Variants in EML6 observed in about 807,000 individuals in gnomAD.
EML6 encodes the protein echinoderm microtubule-associated protein-like 6.
EML6 carries 154 observed loss-of-function variants against 240.1 expected under a neutral mutation model. The observed-to-expected ratio is 0.64, with a 90% CI of 0.56 to 0.73. EML6 has a LOEUF of 0.73. Among genes scored for constraint, EML6 ranks in the 30% least tolerant of loss-of-function variants. The probability of loss-of-function intolerance (pLI) is 0.00; values close to 1 mark genes in which losing one functional copy is unlikely to be tolerated. For missense variants in EML6, 2,964 were observed against 2,474.6 expected (o/e 1.20, Z -4.20); for synonymous variants, 1,148 against 899.0 (o/e 1.28, Z -4.95).
intron 14 of EML6, chr2:54,867,432 C>G (rs1489227694): frequency 2.6e-5 from 4 of 152,306 alleles, no homozygotes; most frequent in East Asian, 3.9e-4. Flanking sequence ...GCAAAGGAAC[C>G]TAAATGCCAT....
At chr2:54,929,327 A>G (rs1674730951) in intron 28 of EML6, among the ~76,000 whole-genome samples, 1 of 152,182 alleles carries the variant, frequency 6.6e-6, no homozygotes, top group Non-Finnish European at 1.5e-5. Context: ...GTTTTCTAGT[A>G]TTATTTTGGG....
chr2:54,921,407 C>A (rs149342234), intron 26 of EML6, among the ~76,000 whole-genome samples: 173 of 152,176 alleles, frequency 1.1e-3, no homozygotes, highest in African/African-American at 4.0e-3. Context: ...CTGTAAGACA[C>A]TCATGAAATA....
intron 2 of EML6, among the ~76,000 whole-genome samples, chr2:54,768,889 C>T (rs978526779): frequency 2.6e-5 from 4 of 151,960 alleles, no homozygotes; most frequent in Admixed American, 2.0e-4. Context: ...CATTGTAAAT[C>T]CCAATCTATG....
At chr2:54,778,651 G>A (rs1285023915) in intron 2 of EML6, among the ~76,000 whole-genome samples, 1 of 152,114 alleles carries the variant, frequency 6.6e-6, no homozygotes, top group Non-Finnish European at 1.5e-5. Context: ...CACTTTGGGA[G>A]GCCGAGACGG....
chr2:54,829,437 A>T lies in EML6; in HGVS notation c.807A>T (p.Ile269=). The T allele has an allele frequency of 6.4e-7, 1 of 1,551,960 alleles. No individual in the cohort carries two copies. Among genetic ancestry groups the T allele is most frequent in the Non-Finnish European group, 8.7e-7 (1 of 1,146,864 alleles). ...IRLWDTDFKP[I]TKIDLRETEQ... ...TGTGGGACACTGATTTCAAACCAAT[A>T]ACCAAAATTGATCTCAGGGAGACAG... is the stretch of plus-strand genomic sequence containing the variant. Residue 269 remains isoleucine, a synonymous_variant, in exon 7 of 42, where the codon ATA becomes ATT. Coordinates refer to ENST00000356458, the MANE Select transcript of EML6 (RefSeq NM_001039753.4).
At position 54,962,724 on chromosome 2, in the gene EML6, C is replaced by G; in HGVS notation, c.5157+13C>G. On this transcript the variant is annotated intron_variant, in intron 36 of 41. Transcript: ENST00000356458. Reference sequence around the variant, plus strand: ...CCTGGCTGACAAGGTGAGGCCGACTCTGCCCAAACTCAGATGCCCACGAGT... The same window carrying G: ...CCTGGCTGACAAGGTGAGGCCGACTGTGCCCAAACTCAGATGCCCACGAGT... 1 of 1,459,712 alleles carries G rather than the reference C, an allele frequency of 6.9e-7. No homozygotes were observed. The highest frequency in any genetic ancestry group is 9.1e-7 in the Non-Finnish European group (1 of 1,102,304). 90.4% of individuals were successfully genotyped at this position (1,459,712 alleles called of 1,614,324 possible).
Position 54,816,846 on chromosome 2 carries a change from G to A in EML6, c.417G>A (p.Lys139=), listed in dbSNP as rs763718947. 1 of 1,551,442 alleles carries A rather than the reference G, an allele frequency of 6.4e-7. No homozygotes were observed. Among genetic ancestry groups the A allele is most frequent in the Non-Finnish European group, 8.7e-7 (1 of 1,146,878 alleles). ...KNTVCIWDWR[K]GKLLASATGH... ...CAGTCTGCATTTGGGACTGGAGGAA[G>A]GGAAAACTTCTGGCGTCAGCCACCG... The change falls in exon 4 of 42, where the codon AAG becomes AAA. Residue 139 remains lysine (K), a synonymous_variant. Coordinates refer to ENST00000356458, the MANE Select transcript of EML6 (RefSeq NM_001039753.4).
intron 2 of EML6, among the ~76,000 whole-genome samples, chr2:54,806,612 CAAAAAAAAAAAAAAAAAA>C (rs58185994): frequency 4.9e-4 from 26 of 52,820 alleles, no homozygotes; most frequent in Non-Finnish European, 6.4e-4. Flanking sequence ...ACTCCGTCTC[CAAAAAAAAAAAAAAAAAA>C]AAAAAAAAAA....
chr2:54,835,615 C>T (rs775671925), intron 7 of EML6, among the ~76,000 whole-genome samples: 15 of 152,094 alleles, frequency 9.9e-5, no homozygotes, highest in Admixed American at 2.6e-4. Flanking sequence ...GAGGTAGGAG[C>T]CCAGGTGGTT....
intron 2 of EML6, among the ~76,000 whole-genome samples, chr2:54,732,812 G>C (rs1234899656): frequency 3.9e-5 from 6 of 152,218 alleles, no homozygotes; most frequent in African/African-American, 1.4e-4. Flanking sequence ...AGTGAGTGCA[G>C]TGTTTAGTAA....
chr2:54,740,017 T>A (rs970812819), intron 2 of EML6, among the ~76,000 whole-genome samples: 1 of 152,198 alleles, frequency 6.6e-6, no homozygotes, highest in Admixed American at 6.5e-5. Flanking sequence ...CTTAGTCAGC[T>A]GGTTGAATGG....
intron 15 of EML6, among the ~76,000 whole-genome samples, chr2:54,869,663 T>C (rs1389572913): frequency 1.3e-5 from 2 of 152,214 alleles, no homozygotes; most frequent in African/African-American, 4.8e-5. Flanking sequence ...ACTTCCTCGC[T>C]GTATGCCCAG....
intron 8 of EML6, among the ~76,000 whole-genome samples, chr2:54,845,404 T>G (rs1669695095): frequency 6.6e-6 from 1 of 152,226 alleles, no homozygotes; most frequent in African/African-American, 2.4e-5. Context: ...GTCCTTCGCT[T>G]TTATGTTTCA....
At position 54,892,815 on chromosome 2, in the gene EML6, C is replaced by T. The variant is rs146924490; in HGVS notation, c.2742+159C>T. ...AGTCAAGAGACAATAGGGAGGAAAG[C>T]AAAGATATTTTTATAATTTCGTTTA... On this transcript the variant is annotated intron_variant, in intron 19 of 41. Coordinates refer to ENST00000356458, the MANE Select transcript of EML6 (RefSeq NM_001039753.4). 8.1e-3 allele frequency among the ~76,000 whole-genome samples: 1,227 copies of T among 152,262 alleles called. 26 individuals carry two copies. Among genetic ancestry groups the T allele is most frequent in the African/African-American group, 0.027 (1,138 of 41,540 alleles).
At position 54,970,106 on chromosome 2, in the gene EML6, G is replaced by A. The variant is rs1320881971; in HGVS notation, c.*11G>A. ...TGGCGATGTCTGTAAAATGCCAGAAGCCTCTTATGTTATTGCTGCTGCTGC... is the reference window on the plus strand; with the variant it reads ...TGGCGATGTCTGTAAAATGCCAGAAACCTCTTATGTTATTGCTGCTGCTGC... On this transcript the variant is annotated 3_prime_UTR_variant, in exon 42 of 42. Coordinates refer to ENST00000356458, the MANE Select transcript of EML6 (RefSeq NM_001039753.4). 7 of 1,551,624 alleles carry A rather than the reference G, an allele frequency of 4.5e-6. 1 individual carries two copies. In the South Asian group the frequency reaches 8.3e-5, roughly 18 times the overall value.
chr2:54,871,179 A>G (rs1238615732), intron 15 of EML6, among the ~76,000 whole-genome samples: 3 of 152,166 alleles, frequency 2.0e-5, no homozygotes, highest in African/African-American at 4.8e-5. Context: ...TCTTGTGTCG[A>G]GCTGGGAAGG....
At chr2:54,933,924 A>C (rs1412510934) in intron 28 of EML6, among the ~76,000 whole-genome samples, 1 of 152,278 alleles carries the variant, frequency 6.6e-6, no homozygotes, top group South Asian at 2.1e-4. Context: ...GCTAATGATA[A>C]TATTAACCAC....
intron 16 of EML6, among the ~76,000 whole-genome samples, chr2:54,876,084 G>C (rs1424262196): frequency 6.6e-6 from 1 of 152,082 alleles, no homozygotes; most frequent in Non-Finnish European, 1.5e-5. Flanking sequence ...TCTGGACTAT[G>C]TCACAGACAT....
intron 7 of EML6, among the ~76,000 whole-genome samples, chr2:54,838,537 C>A (rs1296879495): frequency 6.6e-6 from 1 of 152,152 alleles, no homozygotes; most frequent in Admixed American, 6.5e-5. Context: ...TAAGCAATGT[C>A]CCTTAGTAAT....
Sources: gnomAD v4.1 joint callset for allele counts (sites outside exome capture counted in the v4.1 genomes callset) on GRCh38, gnomAD v4.1.1 for gene constraint, MANE v1.5 for transcripts, NCBI Gene and HGNC (gene_info 2026-07-23, HGNC 2026-07-21) for gene names.